The following EDRF1 variants were observed in gnomAD, a reference collection of about 807,000 sequenced individuals.
EDRF1 encodes erythroid differentiation regulatory factor 1, also known as erythroid differentiation-related factor 1.
EDRF1 carries 69 observed loss-of-function variants against 148.7 expected under a neutral mutation model. The observed-to-expected ratio is 0.46, with a 90% CI of 0.38 to 0.57. EDRF1 has a LOEUF of 0.57. EDRF1 is among the 20% of genes least tolerant of loss of function. EDRF1 has a pLI of 0.00. For synonymous variants in EDRF1, 515 were observed against 532.8 expected (o/e 0.97, Z 0.46); for missense variants, 1,118 against 1,478.7 (o/e 0.76, Z 4.00).
At chr10:125,724,183 A>C (rs548238643) in intron 4 of EDRF1, among the ~76,000 whole-genome samples, 3 of 152,212 alleles carry the variant, frequency 2.0e-5, no homozygotes, top group Admixed American at 6.5e-5. Context: ...GATGAAGCCA[A>C]TGAAGAAAGT....
At chr10:125,756,325 G>T (rs561669381) in intron 24 of EDRF1, among the ~76,000 whole-genome samples, 1 of 152,120 alleles carries the variant, frequency 6.6e-6, no homozygotes, top group African/African-American at 2.4e-5. Flanking sequence ...CTTCTTTCAC[G>T]TTTGTGTAGA....
chr10:125,741,819 A>G (rs1379186291), intron 17 of EDRF1, among the ~76,000 whole-genome samples: 2 of 151,992 alleles, frequency 1.3e-5, no homozygotes, highest in African/African-American at 2.4e-5. Flanking sequence ...TCAGTCTCCC[A>G]AGTAGCTGGG....
At chr10:125,725,579 A>G in intron 5 of EDRF1, 103 bp from the exon 6 acceptor site, 1 of 1,570,190 alleles carries the variant, frequency 6.4e-7, no homozygotes, top group Non-Finnish European at 8.7e-7. Flanking sequence ...CTTTTTTACA[A>G]GATGTATGCT....
At position 125,745,512 on chromosome 10, in the gene EDRF1, C is replaced by A. The variant is rs996502820; in HGVS notation, c.2591-195C>A. ...AAGGAACTAGGGGTTAGGGCTTCAA[C>A]ATATGAACTCATATGGACACGTTTA... On this transcript the variant is annotated intron_variant, in intron 18 of 24. Transcript: ENST00000356792. 3 of 619,386 alleles carry A rather than the reference C, an allele frequency of 4.8e-6. No individual in the cohort carries two copies. In the African/African-American group the frequency reaches 5.5e-5, roughly 11 times the overall value. The allele number at this position is 619,386 out of a possible 1,614,324, so 38.4% of individuals were successfully genotyped here.
At chr10:125,747,389 T>A (rs1297765171) in intron 19 of EDRF1, 147 bp from the exon 20 acceptor site, 1 of 929,428 alleles carries the variant, frequency 1.1e-6, no homozygotes, top group Non-Finnish European at 1.7e-6. Context: ...TGACTTACTT[T>A]TTTCATTTCC....
chr10:125,751,131 C>T (rs10736867), intron 22 of EDRF1, among the ~76,000 whole-genome samples: 94,193 of 151,916 alleles, frequency 0.62, 32,044 homozygotes, highest in East Asian at 0.79. Flanking sequence ...GACAGGGTCT[C>T]ACTATGTTAT....
At chr10:125,723,179 G>A in intron 3 of EDRF1, 45 bp downstream of exon 3, 1 of 1,528,386 alleles carries the variant, frequency 6.5e-7, no homozygotes, top group Non-Finnish European at 9.1e-7. Context: ...GGTGTTTTGT[G>A]ATAGGTGTTT....
chr10:125,728,373 C>A (rs1166981579), intron 6 of EDRF1, among the ~76,000 whole-genome samples: 18 of 151,942 alleles, frequency 1.2e-4, no homozygotes, highest in African/African-American at 4.4e-4. Flanking sequence ...AAGTGAGTAC[C>A]TGGTAAACGT....
intron 21 of EDRF1, chr10:125,749,120 G>A (rs1401031501): frequency 7.2e-6 from 3 of 415,970 alleles, no homozygotes; most frequent in South Asian, 2.3e-5. Context: ...AGTGGCGGGT[G>A]CCTGTAATCC....
chr10:125,729,148 T>C, intron 7 of EDRF1, 44 bp downstream of exon 7: 1 of 1,523,744 alleles, frequency 6.6e-7, no homozygotes, highest in Non-Finnish European at 8.8e-7. Context: ...ATCCCCAGTC[T>C]ACTTTGTCAT....
intron 24 of EDRF1, chr10:125,756,658 C>A: frequency 3.2e-6 from 1 of 311,450 alleles, no homozygotes. Context: ...GAGAACTGAC[C>A]TCCTTATTAC....
chr10:125,760,940 G>A (rs1045178598), intron 24 of EDRF1, among the ~76,000 whole-genome samples: 15 of 152,244 alleles, frequency 9.9e-5, no homozygotes, highest in African/African-American at 3.4e-4. Flanking sequence ...ATAGGAAGAT[G>A]TACACAGCCT....
At chr10:125,730,449 A>C in intron 9 of EDRF1, 50 bp downstream of exon 9, 1 of 1,460,894 alleles carries the variant, frequency 6.8e-7, no homozygotes, top group South Asian at 1.1e-5. Flanking sequence ...ATTGGTACAG[A>C]GAGTTCCTCA....
In EDRF1 at chr10:125,749,526, C is replaced by T; in HGVS notation, c.3238C>T (p.Gln1080Ter). Residue 1080 changes from glutamine to a stop codon, truncating the protein, a stop_gained, in exon 22 of 25, where the codon CAG becomes TAG. Transcript: ENST00000356792. LOFTEE classifies it high-confidence loss of function. The stretch of plus-strand genomic sequence containing the variant: ...TGCTCCCTGCGAACTGCTTAGAGTA[C>T]AGCTAGAGAGAGTAGCATTTGCTGA... The part of the protein sequence containing the change: ...KDAPCELLRV[Q>*]LERVAFAEFQ... 6.2e-7 allele frequency: 1 copy of T among 1,614,184 alleles called. No individual in the cohort carries two copies. Among genetic ancestry groups the T allele is most frequent in the Non-Finnish European group, 8.5e-7 (1 of 1,180,034 alleles).
intron 24 of EDRF1, among the ~76,000 whole-genome samples, chr10:125,760,345 C>T (rs576610344): frequency 4.7e-4 from 72 of 152,292 alleles, no homozygotes; most frequent in African/African-American, 1.7e-3. Context: ...ATAACTGTAA[C>T]AGTCATATGT....
At chr10:125,727,630 C>G (rs571980611) in intron 6 of EDRF1, among the ~76,000 whole-genome samples, 1 of 152,130 alleles carries the variant, frequency 6.6e-6, no homozygotes, top group African/African-American at 2.4e-5. Flanking sequence ...AGGGAGAGGA[C>G]AAGGCACAAT....
intron 17 of EDRF1, among the ~76,000 whole-genome samples, chr10:125,742,027 G>C (rs1205713449): frequency 6.6e-6 from 1 of 152,124 alleles, no homozygotes. Context: ...CTTTTCATGA[G>C]GTTCTTCTAG....
intron 17 of EDRF1, chr10:125,742,206 T>C (rs1268465495): frequency 6.2e-6 from 8 of 1,287,568 alleles, no homozygotes; most frequent in Non-Finnish European, 7.1e-6. Flanking sequence ...TGTCACTCTG[T>C]TTGGAATTGT....
At chr10:125,730,139 G>A in intron 8 of EDRF1, 149 bp from the exon 9 acceptor site, 1 of 640,074 alleles carries the variant, frequency 1.6e-6, no homozygotes, top group Admixed American at 2.5e-5. Flanking sequence ...TGAGCTGCAT[G>A]TGCATATCTT....
Sources: allele counts gnomAD v4.1 joint callset (sites outside exome capture counted in the v4.1 genomes callset), GRCh38; gene constraint gnomAD v4.1.1; transcripts MANE v1.5; gene names NCBI Gene and HGNC (gene_info 2026-07-23, HGNC 2026-07-21).